CTTNBP2: variants seen among roughly 807,000 people sequenced by gnomAD.
CTTNBP2 encodes the protein cortactin binding protein 2, also known as cortactin-binding protein 2.
CTTNBP2 carries 108 observed loss-of-function variants against 156.9 expected under a neutral mutation model. The ratio of observed to expected loss-of-function variants is 0.69; its 90% CI spans 0.59 to 0.81. The LOEUF is 0.81. Ranked by LOEUF, CTTNBP2 falls within the 30% of genes least tolerant of loss-of-function variation. The probability of loss-of-function intolerance (pLI) is 0.00; values close to 1 mark genes in which losing one functional copy is unlikely to be tolerated. For synonymous variants in CTTNBP2, 767 were observed against 751.8 expected (o/e 1.02, Z -0.33); for missense variants, 1,924 against 2,035.4 (o/e 0.95, Z 1.05).
At chr7:117,842,189 T>G (rs1222313142) in intron 2 of CTTNBP2, among the ~76,000 whole-genome samples, 1 of 152,174 alleles carries the variant, frequency 6.6e-6, no homozygotes, top group African/African-American at 2.4e-5. Context: ...TCTATAAAAC[T>G]AAAACTGCTC....
At chr7:117,853,146 C>A (rs539646490) in intron 2 of CTTNBP2, among the ~76,000 whole-genome samples, 5 of 152,150 alleles carry the variant, frequency 3.3e-5, no homozygotes, top group Non-Finnish European at 7.3e-5. Flanking sequence ...AGGATTCCTG[C>A]AAAGCATGAG....
At chr7:117,722,001 T>C (rs980960359) in intron 19 of CTTNBP2, among the ~76,000 whole-genome samples, 61 of 152,212 alleles carry the variant, frequency 4.0e-4, no homozygotes, top group African/African-American at 1.4e-3. Flanking sequence ...GAAAAGTAAA[T>C]ATATCCTCAT....
chr7:117,716,672 G>A (rs1339167337), intron 22 of CTTNBP2, among the ~76,000 whole-genome samples: 4 of 152,118 alleles, frequency 2.6e-5, no homozygotes, highest in African/African-American at 7.2e-5. Flanking sequence ...AACAAAAAAA[G>A]GCAGACATTA....
chr7:117,714,427 CATT>C (rs1349541817), intron 22 of CTTNBP2, among the ~76,000 whole-genome samples: 2 of 152,130 alleles, frequency 1.3e-5, no homozygotes, highest in South Asian at 2.1e-4. Flanking sequence ...TGAAATATGG[CATT>C]ATAATAAGGA....
At chr7:117,841,596 C>G (rs551157011) in intron 2 of CTTNBP2, among the ~76,000 whole-genome samples, 1 of 152,284 alleles carries the variant, frequency 6.6e-6, no homozygotes, top group South Asian at 2.1e-4. Context: ...CCTCAGGACC[C>G]AAAGGGTCTT....
intron 2 of CTTNBP2, among the ~76,000 whole-genome samples, chr7:117,856,294 G>A (rs1803313270): frequency 6.6e-6 from 1 of 152,186 alleles, no homozygotes; most frequent in Non-Finnish European, 1.5e-5. Flanking sequence ...ATGTGGAGCT[G>A]GCACTGATCC....
intron 1 of CTTNBP2, among the ~76,000 whole-genome samples, chr7:117,862,991 T>A (rs931888236): frequency 2.0e-5 from 3 of 152,160 alleles, no homozygotes; most frequent in Non-Finnish European, 4.4e-5. Context: ...AATGGTACCA[T>A]CCTGTCAGTC....
chr7:117,735,559 G>T, intron 14 of CTTNBP2, 138 bp from the exon 15 acceptor site: 1 of 701,194 alleles, frequency 1.4e-6, no homozygotes, highest in Non-Finnish European at 2.4e-6. Flanking sequence ...TGCTTGGGGA[G>T]TGAACAACTC....
At position 117,719,492 on chromosome 7, in the gene CTTNBP2, T is replaced by C. The variant is rs369909482; in HGVS notation, c.4644+12A>G. The C allele has an allele frequency of 1.9e-6, 3 of 1,611,730 alleles. No individual in the cohort carries two copies. The African/African-American group carries it at 4.0e-5, about 22-fold the overall frequency. On this transcript the variant is annotated intron_variant, in intron 21 of 22. Transcript: ENST00000160373. Reference sequence around the variant, plus strand: ...GTAGAGCCATTCAATGCCCCCCATTTGTACTGCTCACCTTGCTGATATCAG... The same window carrying C: ...GTAGAGCCATTCAATGCCCCCCATTCGTACTGCTCACCTTGCTGATATCAG...
intron 2 of CTTNBP2, among the ~76,000 whole-genome samples, chr7:117,822,926 A>G (rs1801054205): frequency 6.6e-6 from 1 of 151,192 alleles, no homozygotes; most frequent in Admixed American, 6.6e-5. Context: ...TTACTGAGAG[A>G]GGTATTAAAA....
intron 12 of CTTNBP2, among the ~76,000 whole-genome samples, chr7:117,746,691 T>C (rs1180564726): frequency 6.6e-6 from 1 of 152,202 alleles, no homozygotes; most frequent in African/African-American, 2.4e-5. Context: ...TATCAGATAA[T>C]GTCTTTGTGT....
chr7:117,821,593 T>TC (rs1286237788), intron 2 of CTTNBP2, among the ~76,000 whole-genome samples: 1 of 151,008 alleles, frequency 6.6e-6, no homozygotes, highest in Non-Finnish European at 1.5e-5. Context: ...TTAGGATTTT[T>TC]TTTTTTTTTT....
intron 9 of CTTNBP2, among the ~76,000 whole-genome samples, chr7:117,765,643 C>G (rs1415078220): frequency 2.6e-5 from 4 of 152,152 alleles, no homozygotes; most frequent in Non-Finnish European, 5.9e-5. Flanking sequence ...CCTCCTTAAT[C>G]CTCAATTTTA....
chr7:117,729,820 A>G (rs1289684122), intron 16 of CTTNBP2, among the ~76,000 whole-genome samples: 1 of 152,178 alleles, frequency 6.6e-6, no homozygotes, highest in Non-Finnish European at 1.5e-5. Context: ...GACTAAATAC[A>G]GCGTGGTCAA....
At chr7:117,865,872 T>C (rs1017560056) in intron 1 of CTTNBP2, among the ~76,000 whole-genome samples, 4 of 149,142 alleles carry the variant, frequency 2.7e-5, no homozygotes, top group Admixed American at 6.7e-5. Flanking sequence ...ACAAGTCATA[T>C]ATATTAATTT....
chr7:117,762,063 T>C (rs1258794252), intron 9 of CTTNBP2, among the ~76,000 whole-genome samples: 1 of 152,222 alleles, frequency 6.6e-6, no homozygotes, highest in Non-Finnish European at 1.5e-5. Flanking sequence ...GGTCGCTCTT[T>C]AATGTTGTTC....
chr7:117,869,565 T>G (rs1050512362), intron 1 of CTTNBP2, among the ~76,000 whole-genome samples: 2 of 152,180 alleles, frequency 1.3e-5, no homozygotes, highest in Non-Finnish European at 2.9e-5. Context: ...TTTGTAAATG[T>G]CTAAGTACCA....
At chr7:117,763,216 C>A (rs1014543334) in intron 9 of CTTNBP2, among the ~76,000 whole-genome samples, 6 of 152,186 alleles carry the variant, frequency 3.9e-5, no homozygotes, top group Admixed American at 6.5e-5. Flanking sequence ...TTCTGACTTA[C>A]ATCAAGTGGC....
chr7:117,845,772 T>C (rs573795945), intron 2 of CTTNBP2, among the ~76,000 whole-genome samples: 1 of 152,346 alleles, frequency 6.6e-6, no homozygotes, highest in Non-Finnish European at 1.5e-5. Context: ...CACATCAAGA[T>C]GGTGTAACGA....
Sources: gnomAD v4.1 joint callset for allele counts (sites outside exome capture counted in the v4.1 genomes callset) on GRCh38, gnomAD v4.1.1 for gene constraint, MANE v1.5 for transcripts, NCBI Gene and HGNC (gene_info 2026-07-23, HGNC 2026-07-21) for gene names.